The following CHD1 variants were observed in gnomAD, a reference collection of about 807,000 sequenced individuals.
CHD1 encodes the protein chromodomain helicase DNA binding protein 1.
In CHD1, 36 loss-of-function variants were observed where a neutral mutation model predicts 224.2. The observed-to-expected ratio is 0.16, with a 90% CI of 0.12 to 0.21. CHD1 has a LOEUF of 0.21. CHD1 is among the 10% of genes least tolerant of loss of function. CHD1 has a pLI of 1.00. For synonymous variants in CHD1, 668 were observed against 658.3 expected, an observed-to-expected ratio of 1.01 and a Z score of -0.23; for missense variants, 1,378 against 1,994.8, an observed-to-expected ratio of 0.69 and a Z score of 5.89.
chr5:98,858,569 A>T (rs1748222048), intron 34 of CHD1, 179 bp from the exon 35 acceptor site: 4 of 545,190 alleles, frequency 7.3e-6, no homozygotes, highest in Admixed American at 6.5e-5. Flanking sequence ...TAATTAAAAA[A>T]GGTTGCTTGA....
chr5:98,888,167 C>T lies in CHD1; in HGVS notation c.2417G>A (p.Arg806Gln). The T allele has an allele frequency of 6.2e-7, 1 of 1,610,548 alleles. No individual in the cohort carries two copies. The change falls in exon 17 of 36, where the codon CGA (arginine) becomes CAA (glutamine). Residue 806 changes from arginine to glutamine, a missense_variant. This residue lies in a region of CHD1 where 57 missense variants were observed against 177.2 expected (regional missense o/e 0.32). Transcript: ENST00000614616. ...LLIRLRERGN[R>Q]VLIFSQMVRM... ...CACCATTTGTGAAAAAATAAGAACT[C>T]GATTGCCTCGTTCTCTTAGGCGAAT...
Position 98,897,364 on chromosome 5 carries a change from A to G in CHD1, c.1366-44T>C, listed in dbSNP as rs113865213. 9.7e-4 allele frequency: 1,301 copies of G among 1,340,708 alleles called. 16 individuals are homozygous for G. The African/African-American group carries it at 0.016, about 17-fold the overall frequency. 83.1% of individuals were successfully genotyped at this position (1,340,708 alleles called of 1,614,324 possible). ...TTATTATGTAGAGTTATTAAATATAAGAAATTATACTAAAAGATGAAAGCC... is the reference window on the plus strand; with the variant it reads ...TTATTATGTAGAGTTATTAAATATAGGAAATTATACTAAAAGATGAAAGCC... On this transcript the variant is annotated intron_variant, in intron 10 of 35. Coordinates refer to ENST00000614616, the MANE Select transcript of CHD1 (RefSeq NM_001270.4).
chr5:98,875,946 C>T (rs1383937799), intron 24 of CHD1, among the ~76,000 whole-genome samples: 2 of 152,138 alleles, frequency 1.3e-5, no homozygotes, highest in Non-Finnish European at 2.9e-5. Context: ...CTTACCTCAT[C>T]TCAATTCCTA....
chr5:98,872,874 G>A (rs576421924), intron 26 of CHD1, among the ~76,000 whole-genome samples: 31 of 152,264 alleles, frequency 2.0e-4, no homozygotes, highest in African/African-American at 7.0e-4. Context: ...CAGGCTGGAA[G>A]TGCAGTGGTG....
At chr5:98,861,888 T>TA (rs904632191) in intron 32 of CHD1, among the ~76,000 whole-genome samples, 17 of 147,818 alleles carry the variant, frequency 1.2e-4, no homozygotes, top group East Asian at 2.0e-4. Flanking sequence ...GCATTAAAAA[T>TA]AAAAAAAAAA....
intron 14 of CHD1, among the ~76,000 whole-genome samples, chr5:98,893,015 AC>A (rs1309211832): frequency 6.6e-6 from 1 of 152,172 alleles, no homozygotes; most frequent in African/African-American, 2.4e-5. Context: ...TTCTGGACCT[AC>A]TGAAAGAGAA....
At chr5:98,862,025 C>T (rs1035447570) in intron 32 of CHD1, among the ~76,000 whole-genome samples, 2 of 152,008 alleles carry the variant, frequency 1.3e-5, no homozygotes, top group Non-Finnish European at 2.9e-5. Flanking sequence ...GGCCTGGTAG[C>T]GTGGGCCTGT....
intron 2 of CHD1, among the ~76,000 whole-genome samples, chr5:98,924,495 A>G (rs541215201): frequency 6.6e-6 from 1 of 152,332 alleles, no homozygotes; most frequent in Admixed American, 6.5e-5. Flanking sequence ...TGAGGCAATC[A>G]TATGAGTTTT....
rs1064795875 is a variant in CHD1, at chr5:98,902,916, T to G, written c.421A>C (p.Arg141=). ...ATGACATACTCTTTATGCTTTTTCC[T>G]TTTGACCTCACTTGATGAGTCATCG... is the stretch of plus-strand genomic sequence containing the variant. ...DSDDSSSEVK[R]KKHKDEDWQM... The change falls in exon 5 of 36, where the codon AGG becomes CGG. Residue 141 remains arginine, a synonymous_variant. Coordinates refer to ENST00000614616, the MANE Select transcript of CHD1 (RefSeq NM_001270.4). The G allele has an allele frequency of 6.2e-7, 1 of 1,603,574 alleles. No homozygotes were observed. The highest frequency in any genetic ancestry group is 1.1e-5 in the South Asian group (1 of 90,444).
chr5:98,861,860 C>CT (rs946065533), intron 32 of CHD1, among the ~76,000 whole-genome samples: 3 of 151,454 alleles, frequency 2.0e-5, no homozygotes, highest in Non-Finnish European at 2.9e-5. Flanking sequence ...ATATAAGGTA[C>CT]TTTTTTTTCT....
At chr5:98,864,517 CAAAAAAAAAAA>C (rs67061692) in intron 31 of CHD1, among the ~76,000 whole-genome samples, 28 of 58,136 alleles carry the variant, frequency 4.8e-4, no homozygotes, top group East Asian at 2.9e-3. Context: ...GATTCTATAC[CAAAAAAAAAAA>C]AAAAAAAAAA....
At chr5:98,918,180 C>T (rs1449932172) in intron 2 of CHD1, among the ~76,000 whole-genome samples, 1 of 151,772 alleles carries the variant, frequency 6.6e-6, no homozygotes, top group Non-Finnish European at 1.5e-5. Flanking sequence ...GCCTCAGCCT[C>T]CCGAGTAGCT....
At chr5:98,922,806 T>G (rs1163420081) in intron 2 of CHD1, among the ~76,000 whole-genome samples, 7 of 152,146 alleles carry the variant, frequency 4.6e-5, no homozygotes, top group Non-Finnish European at 1.0e-4. Context: ...CTGGCCAACA[T>G]GACGAAACAC....
At chr5:98,910,908 CTTT>C (rs1000912989) in intron 2 of CHD1, among the ~76,000 whole-genome samples, 3 of 151,616 alleles carry the variant, frequency 2.0e-5, no homozygotes, top group Admixed American at 6.6e-5. Context: ...CTGCAGATAT[CTTT>C]TTTATTTATG....
At chr5:98,860,483 TTAAA>T (rs1383097456) in intron 32 of CHD1, 3 of 224,392 alleles carry the variant, frequency 1.3e-5, no homozygotes, top group South Asian at 5.6e-5. Context: ...AAGAATTGTC[TTAAA>T]TAATGCATTA....
chr5:98,903,170 T>C (rs943961203), intron 4 of CHD1, among the ~76,000 whole-genome samples: 3 of 152,140 alleles, frequency 2.0e-5, no homozygotes, highest in Admixed American at 6.6e-5. Flanking sequence ...ATTAAGTAAA[T>C]AGCAAAATGT....
chr5:98,883,828 TATATATATATATATA>T (rs1215690332), intron 18 of CHD1: 1 of 45,400 alleles, frequency 2.2e-5, no homozygotes, highest in Non-Finnish European at 3.4e-5. Context: ...GGAGACTAAA[TATATATATATATATA>T]TATATATATA....
chr5:98,867,427 C>A (rs1190322971), intron 31 of CHD1, among the ~76,000 whole-genome samples: 1 of 152,084 alleles, frequency 6.6e-6, no homozygotes, highest in Non-Finnish European at 1.5e-5. Flanking sequence ...ATATTTTGTA[C>A]ATAATTTTTT....
rs774012525 is a variant in CHD1 at position 98,901,110 on chromosome 5, C to T, written c.588-28G>A. 8 of 1,562,334 alleles carry T rather than the reference C, an allele frequency of 5.1e-6. No individual in the cohort carries two copies. In the African/African-American group the frequency reaches 8.3e-5, roughly 16 times the overall value. Reference sequence around the variant, plus strand: ...AGGAAAGTGCAAAGAGAAAAAAAAACAAGATTTGAGAAACTATATACAAAA... The same window carrying T: ...AGGAAAGTGCAAAGAGAAAAAAAAATAAGATTTGAGAAACTATATACAAAA... On this transcript the variant is annotated intron_variant, in intron 6 of 35. Transcript: ENST00000614616.
Sources: gnomAD v4.1 joint callset for allele counts (sites outside exome capture counted in the v4.1 genomes callset) on GRCh38, gnomAD v4.1.1 for gene constraint, gnomAD v4.1.1 regional missense constraint, MANE v1.5 for transcripts, NCBI Gene and HGNC (gene_info 2026-07-23, HGNC 2026-07-21) for gene names.